TENM3: variants seen among roughly 807,000 people sequenced by gnomAD.
The protein encoded by TENM3 is teneurin transmembrane protein 3.
In TENM3, 63 loss-of-function variants were observed where a neutral mutation model predicts 255.1. That is an observed-to-expected ratio of 0.25 (90% confidence interval 0.20 to 0.30). TENM3 has a LOEUF of 0.30. Ranked by LOEUF, TENM3 falls within the 10% of genes least tolerant of loss-of-function variation. The pLI, the probability that TENM3 is intolerant of heterozygous loss-of-function variation, is 1.00. For missense variants in TENM3, 2,929 were observed against 3,461.1 expected, an observed-to-expected ratio of 0.85 and a Z score of 3.86; for synonymous variants, 1,306 against 1,322.3, an observed-to-expected ratio of 0.99 and a Z score of 0.27.
At chr4:181,774,096 A>G in the TENM3 span, among the ~76,000 whole-genome samples, 1 of 97,144 alleles carries the variant, frequency 1.0e-5, no homozygotes, top group Non-Finnish European at 1.9e-5. Context: ...TACATGTGCC[A>G]TGCTGGTGTG....
At chr4:182,056,629 G>T in the TENM3 span, among the ~76,000 whole-genome samples, 1 of 152,262 alleles carries the variant, frequency 6.6e-6, no homozygotes, top group South Asian at 2.1e-4. Flanking sequence ...TTGAAGAAAG[G>T]AAATTATCTT....
At chr4:181,617,694 C>T in the TENM3 span, among the ~76,000 whole-genome samples, 3 of 152,196 alleles carry the variant, frequency 2.0e-5, no homozygotes, top group Non-Finnish European at 2.9e-5. Flanking sequence ...TCATGGACTA[C>T]GACTAGAAAT....
intron 12 of TENM3, among the ~76,000 whole-genome samples, chr4:182,709,293 GT>G (rs1037039472): frequency 6.6e-6 from 1 of 151,992 alleles, no homozygotes; most frequent in Non-Finnish European, 1.5e-5. Flanking sequence ...CTGGAAAATA[GT>G]TTTTTTAATG....
chr4:182,013,025 A>C, the TENM3 span, among the ~76,000 whole-genome samples: 1 of 152,180 alleles, frequency 6.6e-6, no homozygotes, highest in East Asian at 1.9e-4. Flanking sequence ...AACAAAAACA[A>C]AAACGAAAAA....
intron 3 of TENM3, among the ~76,000 whole-genome samples, chr4:182,469,997 AT>A (rs1732963282): frequency 6.6e-6 from 1 of 152,160 alleles, no homozygotes; most frequent in Non-Finnish European, 1.5e-5. Context: ...GGACAGGGCC[AT>A]TTTAGAAATG....
At chr4:182,727,763 A>G (rs1363828750) in intron 13 of TENM3, among the ~76,000 whole-genome samples, 4 of 151,676 alleles carry the variant, frequency 2.6e-5, no homozygotes, top group African/African-American at 4.8e-5. Context: ...TTTAATTAAT[A>G]CCTCCATTTT....
chr4:181,897,109 G>A, the TENM3 span, among the ~76,000 whole-genome samples: 1 of 152,130 alleles, frequency 6.6e-6, no homozygotes, highest in Non-Finnish European at 1.5e-5. Context: ...TAGCCCAATT[G>A]TTCCTTCTTC....
intron 3 of TENM3, among the ~76,000 whole-genome samples, chr4:182,477,000 A>G (rs1188762415): frequency 1.3e-5 from 2 of 152,236 alleles, no homozygotes; most frequent in Non-Finnish European, 2.9e-5. Context: ...GCCGCTATCT[A>G]TAGCAGAATG....
chr4:182,564,635 G>A (rs957492194), intron 3 of TENM3, among the ~76,000 whole-genome samples: 9 of 150,302 alleles, frequency 6.0e-5, no homozygotes, highest in Non-Finnish European at 1.2e-4. Context: ...CTTGACACAC[G>A]GTAAATATTG....
the TENM3 span, among the ~76,000 whole-genome samples, chr4:182,106,166 G>A: frequency 2.0e-5 from 3 of 152,112 alleles, no homozygotes. Flanking sequence ...CTCTTCTAGG[G>A]CAAGGTTAAA....
At chr4:182,750,397 C>T (rs1020622340) in intron 19 of TENM3, among the ~76,000 whole-genome samples, 1 of 149,370 alleles carries the variant, frequency 6.7e-6, no homozygotes, top group Non-Finnish European at 1.5e-5. Flanking sequence ...AAGAGCTCTT[C>T]AGAGCTCCAC....
At chr4:181,449,257 T>C in the TENM3 span, among the ~76,000 whole-genome samples, 1 of 152,136 alleles carries the variant, frequency 6.6e-6, no homozygotes, top group African/African-American at 2.4e-5. Flanking sequence ...TCTCCTGTCA[T>C]GTAGGTCTAT....
At chr4:182,312,309 C>T (rs1209704184) in intron 1 of TENM3, among the ~76,000 whole-genome samples, 2 of 152,146 alleles carry the variant, frequency 1.3e-5, no homozygotes, top group African/African-American at 4.8e-5. Context: ...CTGCAGTGAG[C>T]TGTGATCGTA....
chr4:181,944,602 G>A, the TENM3 span, among the ~76,000 whole-genome samples: 7 of 152,036 alleles, frequency 4.6e-5, no homozygotes, highest in South Asian at 2.1e-4. Context: ...CCTGTTCTTC[G>A]TTCTGCCCTC....
At chr4:181,965,236 A>G in the TENM3 span, among the ~76,000 whole-genome samples, 1 of 152,226 alleles carries the variant, frequency 6.6e-6, no homozygotes, top group Non-Finnish European at 1.5e-5. Context: ...ACAAGAAGTC[A>G]TATTCTCTGC....
chr4:181,520,651 A>G, the TENM3 span, among the ~76,000 whole-genome samples: 1 of 152,154 alleles, frequency 6.6e-6, no homozygotes, highest in Admixed American at 6.5e-5. Flanking sequence ...AAAGAATAGC[A>G]GAGGTGAAAA....
chr4:182,267,595 G>C (rs1561263038), intron 1 of TENM3, among the ~76,000 whole-genome samples: 1 of 151,578 alleles, frequency 6.6e-6, no homozygotes, highest in Non-Finnish European at 1.5e-5. Flanking sequence ...GGGACTTCAA[G>C]AGAAAAGAAA....
the TENM3 span, among the ~76,000 whole-genome samples, chr4:181,902,725 G>C: frequency 6.6e-6 from 1 of 152,002 alleles, no homozygotes; most frequent in Non-Finnish European, 1.5e-5. Flanking sequence ...TGAACAATGA[G>C]AGCACAGGGA....
chr4:181,847,110 G>A, the TENM3 span, among the ~76,000 whole-genome samples: 1 of 152,178 alleles, frequency 6.6e-6, no homozygotes, highest in African/African-American at 2.4e-5. Flanking sequence ...AAGCTTAGTT[G>A]CTACATCAGG....
Sources: gnomAD v4.1 joint callset for allele counts (sites outside exome capture counted in the v4.1 genomes callset) on GRCh38, gnomAD v4.1.1 for gene constraint, MANE v1.5 for transcripts, NCBI Gene and HGNC (gene_info 2026-07-23, HGNC 2026-07-21) for gene names.